Variants in IGF2BP2 observed in about 807,000 individuals in gnomAD.
IGF2BP2 encodes insulin-like growth factor 2 mRNA-binding protein 2.
Under a neutral mutation model 75.8 loss-of-function variants are expected in IGF2BP2, and 17 were observed. The observed-to-expected ratio is 0.22, with a 90% confidence interval of 0.15 to 0.34. The LOEUF (loss-of-function observed/expected upper bound fraction) is 0.34. Ranked by LOEUF, IGF2BP2 falls within the 10% of genes least tolerant of loss-of-function variation. The pLI, the probability that IGF2BP2 is intolerant of heterozygous loss-of-function variation, is 1.00. For synonymous variants in IGF2BP2, 288 were observed against 295.6 expected (o/e 0.97, Z 0.26); for missense variants, 516 against 772.4 (o/e 0.67, Z 3.93).
At position 185,682,021 on chromosome 3, in the gene IGF2BP2, TACCAAAAGCATAGGC is replaced by T. The variant is rs767137295; in HGVS notation, c.812+5021_812+5035del. Among the ~76,000 whole-genome samples the T allele has an allele frequency of 2.4e-3, 364 of 152,372 alleles. 1 individual carries two copies. Among genetic ancestry groups the T allele is most frequent in the Middle Eastern group, 6.8e-3 (2 of 294 alleles). ...CAAAGACTTCTTGGTTTCACCATGA[TACCAAAAGCATAGGC>T]AACAAAAGCAAAATTAGACCAGTGG... On this transcript the variant is annotated intron_variant, in intron 7 of 15. Coordinates refer to ENST00000382199, the MANE Select transcript of IGF2BP2 (RefSeq NM_006548.6).
At chr3:185,796,319 T>C (rs1166385123) in intron 2 of IGF2BP2, among the ~76,000 whole-genome samples, 4 of 151,872 alleles carry the variant, frequency 2.6e-5, no homozygotes, top group Non-Finnish European at 5.9e-5. Context: ...TCCCAGTACT[T>C]TGGGAGGACG....
chr3:185,777,919 C>T (rs1734718841), intron 2 of IGF2BP2, among the ~76,000 whole-genome samples: 1 of 151,958 alleles, frequency 6.6e-6, no homozygotes, highest in Non-Finnish European at 1.5e-5. Context: ...TGATGCACAT[C>T]TGTAATCCCA....
intron 7 of IGF2BP2, among the ~76,000 whole-genome samples, chr3:185,685,653 T>C (rs1721017846): frequency 1.3e-5 from 2 of 152,120 alleles, no homozygotes; most frequent in Admixed American, 1.3e-4. Flanking sequence ...GAAAATCTAC[T>C]TTTTCTTTTT....
chr3:185,737,843 G>A (rs1408625583), intron 2 of IGF2BP2, among the ~76,000 whole-genome samples: 1 of 152,202 alleles, frequency 6.6e-6, no homozygotes, highest in Non-Finnish European at 1.5e-5. Flanking sequence ...AGAATATCAG[G>A]AAGCTGTTCC....
chr3:185,814,427 T>C (rs539647030), intron 2 of IGF2BP2, among the ~76,000 whole-genome samples: 1 of 152,298 alleles, frequency 6.6e-6, no homozygotes, highest in African/African-American at 2.4e-5. Context: ...CTCCATGTAA[T>C]CCAAAAATAC....
In IGF2BP2 at chr3:185,645,395, G is replaced by A; in HGVS notation, c.*136C>T. On this transcript the variant is annotated 3_prime_UTR_variant, in exon 16 of 16. Transcript: ENST00000382199. The surrounding 1 kb of genome is among the most constrained non-coding windows in gnomAD (Gnocchi z 4.9). ...TTCTCAGGGCCTCGGCAGAGTCCCTGGCCGCCTCCGCAGACTTCTCATTCC... is the reference window on the plus strand; with the variant it reads ...TTCTCAGGGCCTCGGCAGAGTCCCTAGCCGCCTCCGCAGACTTCTCATTCC... 1 of 654,822 alleles carries A rather than the reference G, an allele frequency of 1.5e-6. No individual in the cohort carries two copies. Among genetic ancestry groups the A allele is most frequent in the Non-Finnish European group, 2.7e-6 (1 of 368,382 alleles). 40.6% of individuals were successfully genotyped at this position (654,822 alleles called of 1,614,324 possible).
At chr3:185,731,685 T>A (rs908778318) in intron 2 of IGF2BP2, among the ~76,000 whole-genome samples, 11 of 151,932 alleles carry the variant, frequency 7.2e-5, no homozygotes, top group African/African-American at 2.7e-4. Context: ...ATTTTAAAGA[T>A]CAGTCTTGGC....
chr3:185,670,755 A>G (rs1718382398), intron 10 of IGF2BP2, among the ~76,000 whole-genome samples: 2 of 151,780 alleles, frequency 1.3e-5, no homozygotes, highest in Non-Finnish European at 2.9e-5. Context: ...GTTTTAGTAG[A>G]GACGGGGTTT....
intron 2 of IGF2BP2, among the ~76,000 whole-genome samples, chr3:185,770,062 T>C (rs1733673050): frequency 6.6e-6 from 1 of 152,136 alleles, no homozygotes; most frequent in Non-Finnish European, 1.5e-5. Flanking sequence ...CAATAAGATC[T>C]GGGAACCCCT....
At position 185,804,203 on chromosome 3, in the gene IGF2BP2, C is replaced by A. The variant is rs191850968; in HGVS notation, c.239+18950G>T. Among the ~76,000 whole-genome samples the A allele has an allele frequency of 8.5e-4, 128 of 149,902 alleles. 1 individual carries two copies. The highest frequency in any genetic ancestry group is 2.6e-3 in the African/African-American group (105 of 40,458). On this transcript the variant is annotated intron_variant, in intron 2 of 15. Coordinates refer to ENST00000382199, the MANE Select transcript of IGF2BP2 (RefSeq NM_006548.6). ...CCCAGGAGGCAGAGGTTGCGGTGAGCCGAGATGGCGCCATTGTACTCCAGC... is the reference window on the plus strand; with the variant it reads ...CCCAGGAGGCAGAGGTTGCGGTGAGACGAGATGGCGCCATTGTACTCCAGC...
intron 10 of IGF2BP2, among the ~76,000 whole-genome samples, chr3:185,660,624 T>TGA (rs925953053): frequency 1.8e-4 from 27 of 152,164 alleles, no homozygotes; most frequent in Non-Finnish European, 4.0e-4. Context: ...GAGGGCGCTA[T>TGA]GAGATCAGCA....
intron 2 of IGF2BP2, among the ~76,000 whole-genome samples, chr3:185,721,951 C>T (rs1726612993): frequency 6.6e-6 from 1 of 151,838 alleles, no homozygotes; most frequent in African/African-American, 2.4e-5. Context: ...CAACCATTCA[C>T]TTATCACTAA....
chr3:185,663,887 G>A (rs1438560958), intron 10 of IGF2BP2, among the ~76,000 whole-genome samples: 1 of 152,180 alleles, frequency 6.6e-6, no homozygotes, highest in Non-Finnish European at 1.5e-5. Flanking sequence ...ATGTACTGCT[G>A]AATTTGGTTT....
At chr3:185,748,126 G>A (rs562258306) in intron 2 of IGF2BP2, among the ~76,000 whole-genome samples, 10 of 151,852 alleles carry the variant, frequency 6.6e-5, no homozygotes, top group East Asian at 3.9e-4. Context: ...GGATGGTCTC[G>A]ATCTCCTGAC....
intron 2 of IGF2BP2, among the ~76,000 whole-genome samples, chr3:185,742,490 C>T (rs1357809162): frequency 1.3e-5 from 2 of 151,502 alleles, no homozygotes; most frequent in Non-Finnish European, 2.9e-5. Context: ...AGTGAGACTC[C>T]ATTTCGAAAA....
rs1440854960 is a variant in IGF2BP2 at position 185,647,977 on chromosome 3, TC to T, written c.1594-840del. Among the ~76,000 whole-genome samples the T allele has an allele frequency of 6.6e-6, 1 of 152,246 alleles. No individual in the cohort carries two copies. Among genetic ancestry groups the T allele is most frequent in the African/African-American group, 2.4e-5 (1 of 41,476 alleles). ...GGCTCAGGATTCTACTCCCTGCTGA[TC>T]CATCTGCTTTCTTTTGCCTCCTACA... On this transcript the variant is annotated intron_variant, in intron 14 of 15. Transcript: ENST00000382199. This position sits in a 1 kb window ranked among gnomAD's most constrained non-coding sequence, Gnocchi z 4.9.
intron 8 of IGF2BP2, 74 bp downstream of exon 8, chr3:185,675,717 A>C: frequency 6.6e-7 from 1 of 1,516,062 alleles, no homozygotes; most frequent in South Asian, 1.3e-5. Context: ...GGAAAAGTAG[A>C]TGAATGAACT....
intron 2 of IGF2BP2, among the ~76,000 whole-genome samples, chr3:185,759,448 T>C (rs1174949610): frequency 6.6e-6 from 1 of 152,208 alleles, no homozygotes; most frequent in Non-Finnish European, 1.5e-5. Flanking sequence ...CTCTGTAAGA[T>C]GACACTAAAT....
chr3:185,706,663 T>C (rs1724064369), intron 2 of IGF2BP2, among the ~76,000 whole-genome samples: 1 of 152,142 alleles, frequency 6.6e-6, no homozygotes, highest in Non-Finnish European at 1.5e-5. Flanking sequence ...AAAAAGAAAT[T>C]AGCATGCTTG....
Sources: gnomAD v4.1 joint callset for allele counts (sites outside exome capture counted in the v4.1 genomes callset) on GRCh38, gnomAD v4.1.1 for gene constraint, Gnocchi (gnomAD v3.1) non-coding constraint, MANE v1.5 for transcripts, NCBI Gene and HGNC (gene_info 2026-07-23, HGNC 2026-07-21) for gene names.